AFAP1L1: variants seen among roughly 807,000 people sequenced by gnomAD.
AFAP1L1 encodes the protein actin filament-associated protein 1-like 1.
In AFAP1L1, 77 loss-of-function variants were observed where a neutral mutation model predicts 99.8. That is an observed-to-expected ratio of 0.77 (90% CI 0.64 to 0.93). The LOEUF is 0.93. Among genes scored for constraint, AFAP1L1 ranks in the 40% least tolerant of loss-of-function variants. The pLI is 0.00. For missense variants in AFAP1L1, 893 were observed against 996.8 expected, an observed-to-expected ratio of 0.90 and a Z score of 1.40; for synonymous variants, 373 against 395.3, an observed-to-expected ratio of 0.94 and a Z score of 0.67.
chr5:149,339,178 C>CTTTTTTT (rs35468603), intron 18 of AFAP1L1, among the ~76,000 whole-genome samples: 1 of 126,144 alleles, frequency 7.9e-6, no homozygotes, highest in Non-Finnish European at 1.7e-5. Context: ...CCCAATAAAG[C>CTTTTTTT]TTTTTTTTTT....
At chr5:149,275,027 AC>A (rs1258458684) in intron 1 of AFAP1L1, among the ~76,000 whole-genome samples, 4 of 152,180 alleles carry the variant, frequency 2.6e-5, no homozygotes, top group African/African-American at 9.7e-5. Context: ...GAGAGATGGG[AC>A]TGTCATGCCC....
Position 149,271,924 on chromosome 5 carries a change from G to T in AFAP1L1, c.-45G>T, listed in dbSNP as rs1488576754. 6.6e-6 allele frequency: 8 copies of T among 1,219,040 alleles called. No individual in the cohort carries two copies. In the East Asian group the frequency reaches 1.9e-4, roughly 30 times the overall value. The allele number at this position is 1,219,040 out of a possible 1,614,324, so 75.5% of individuals were successfully genotyped here. A position where few individuals can be genotyped will look rare whatever the true frequency, so the allele number is the denominator to read the frequency against. On this transcript the variant is annotated 5_prime_UTR_variant, in exon 1 of 19. Transcript: ENST00000296721. ...GCCGGCCGCTACCAGCCGCGCCGGA[G>T]CCCCTGCGCCCTGCGGCCCGCTCCC...
intron 10 of AFAP1L1, 109 bp from the exon 11 acceptor site, chr5:149,316,042 C>T (rs759753942): frequency 5.0e-5 from 79 of 1,579,234 alleles, no homozygotes; most frequent in Non-Finnish European, 6.9e-5. Context: ...GCCTGCCATC[C>T]CTGGAGCTGC....
chr5:149,302,477 G>T lies in AFAP1L1; in HGVS notation c.387G>T (p.Glu129Asp). 6.3e-7 allele frequency: 1 copy of T among 1,597,260 alleles called. No homozygotes were observed. The highest frequency in any genetic ancestry group is 2.3e-5 in the East Asian group (1 of 44,360). Residue 129 changes from glutamate (E) to aspartate (D), a missense_variant, in exon 5 of 19, where the codon GAG becomes GAT. Physicochemically the swap from Glu to Asp is conservative, Grantham distance 45 (BLOSUM62 2). Coordinates refer to ENST00000296721, the MANE Select transcript of AFAP1L1 (RefSeq NM_152406.4). ...NKPPPEDYYE[E>D]ALPLGPGKSP... is the part of the protein sequence containing the mutation. Reference sequence around the variant, plus strand: ...CTCCCCCTGAGGACTACTATGAAGAGGCCCTTCCTCTGGGACCCGGCAAGT... The same window carrying T: ...CTCCCCCTGAGGACTACTATGAAGATGCCCTTCCTCTGGGACCCGGCAAGT...
rs754197260 is a variant in AFAP1L1 at position 149,341,875 on chromosome 5, G to A, written c.*1845G>A. The A allele has an allele frequency of 6.6e-6, 1 of 151,988 alleles. No individual in the cohort carries two copies. Among genetic ancestry groups the A allele is most frequent in the Non-Finnish European group, 1.5e-5 (1 of 68,006 alleles). The allele number at this position is 151,988 out of a possible 1,614,324, so 9.4% of individuals were successfully genotyped here. A position where few individuals can be genotyped will look rare whatever the true frequency, so the allele number is the denominator to read the frequency against. Reference sequence around the variant, plus strand: ...ACTTTTCAGTGTTCTTTTTTAAAACGTGGATCCTGAAATGTCACCTAACTC... The same window carrying A: ...ACTTTTCAGTGTTCTTTTTTAAAACATGGATCCTGAAATGTCACCTAACTC... On this transcript the variant is annotated 3_prime_UTR_variant, in exon 19 of 19. Transcript: ENST00000296721.
chr5:149,296,984 G>T (rs1028837870), intron 1 of AFAP1L1, among the ~76,000 whole-genome samples: 1 of 152,092 alleles, frequency 6.6e-6, no homozygotes, highest in Non-Finnish European at 1.5e-5. Flanking sequence ...CAGCAGCACA[G>T]GGGTAACCAC....
At chr5:149,333,832 C>A (rs1300849888) in intron 17 of AFAP1L1, among the ~76,000 whole-genome samples, 1 of 152,190 alleles carries the variant, frequency 6.6e-6, no homozygotes, top group Non-Finnish European at 1.5e-5. Context: ...GAGCAAAAAA[C>A]TGACCCTGGT....
rs570213105 is a variant in AFAP1L1 at position 149,307,551 on chromosome 5, C to A, written c.685C>A (p.Arg229=). ...ATGCAGGATATGTGCCTTCCTGCTGCGGAAAAAGCGTTTCGGGCAGTGGGC... is the reference window on the plus strand; with the variant it reads ...ATGCAGGATATGTGCCTTCCTGCTGAGGAAAAAGCGTTTCGGGCAGTGGGC... ...RECRICAFLL[R]KKRFGQWAKQ... is the part of the protein sequence containing the mutation. The change falls in exon 7 of 19, where the codon CGG becomes AGG. Residue 229 remains arginine (R), a synonymous_variant. Transcript: ENST00000296721. The A allele has an allele frequency of 1.2e-6, 2 of 1,613,676 alleles. No individual in the cohort carries two copies. Among genetic ancestry groups the A allele is most frequent in the Admixed American group, 3.3e-5 (2 of 59,996 alleles).
At chr5:149,322,930 G>GA (rs1756996572) in intron 15 of AFAP1L1, among the ~76,000 whole-genome samples, 1 of 152,106 alleles carries the variant, frequency 6.6e-6, no homozygotes, top group East Asian at 1.9e-4. Flanking sequence ...GGGAGTTGGG[G>GA]GGTGGGGAGG....
intron 17 of AFAP1L1, among the ~76,000 whole-genome samples, chr5:149,335,111 C>A (rs1757366227): frequency 6.6e-6 from 1 of 152,194 alleles, no homozygotes; most frequent in Non-Finnish European, 1.5e-5. Flanking sequence ...TTTTAGTTGT[C>A]ATTATCGTTA....
In AFAP1L1 at chr5:149,307,811, C is replaced by CTCTCTCT. The variant is rs1756470206; in HGVS notation, c.747+198_747+199insTCTCTCT. Among the ~76,000 whole-genome samples, 7 of 21,134 alleles carry CTCTCTCT rather than the reference C, an allele frequency of 3.3e-4. No individual in the cohort carries two copies. In the Admixed American group the frequency reaches 3.6e-3, roughly 11 times the overall value. The allele number at this position is 21,134 out of a possible 152,430, so 13.9% of individuals were successfully genotyped here. ...TAAACACACACACACACACCCTGTGCCTCTCTTTCTCTCTCTCTCTCTCTC... is the reference window on the plus strand; with the variant it reads ...TAAACACACACACACACACCCTGTGCTCTCTCTCTCTCTTTCTCTCTCTCTCTCTCTC... On this transcript the variant is annotated intron_variant, in intron 7 of 18. Coordinates refer to ENST00000296721, the MANE Select transcript of AFAP1L1 (RefSeq NM_152406.4).
At chr5:149,289,953 G>A (rs1755800139) in intron 1 of AFAP1L1, among the ~76,000 whole-genome samples, 1 of 152,238 alleles carries the variant, frequency 6.6e-6, no homozygotes, top group East Asian at 1.9e-4. Context: ...TAATTTATGG[G>A]CCGGGTGCGG....
At position 149,316,150 on chromosome 5, in the gene AFAP1L1, G is replaced by C. The variant is rs772028532; in HGVS notation, c.1115-1G>C. On this transcript the variant is annotated splice_acceptor_variant, in intron 10 of 18. Transcript: ENST00000296721. LOFTEE classifies it high-confidence loss of function. ...ACTCCCCTGACCCATTTCCCCAACAGGCAAAGGGAAGAAGAGCAGCCTGGC... is the reference window on the plus strand; with the variant it reads ...ACTCCCCTGACCCATTTCCCCAACACGCAAAGGGAAGAAGAGCAGCCTGGC... 6.2e-7 allele frequency: 1 copy of C among 1,612,680 alleles called. No homozygotes were observed. Among genetic ancestry groups the C allele is most frequent in the Non-Finnish European group, 8.5e-7 (1 of 1,178,868 alleles).
In AFAP1L1 at chr5:149,342,598, A is replaced by G. The variant is rs1368071718; in HGVS notation, c.*2568A>G. Among the ~76,000 whole-genome samples, 1 of 152,222 alleles carries G rather than the reference A, an allele frequency of 6.6e-6. No homozygotes were observed. Among genetic ancestry groups the G allele is most frequent in the Non-Finnish European group, 1.5e-5 (1 of 68,036 alleles). ...GCAAAATGGCTAAGGCACAGATGCC[A>G]CTTGTTCTTGGTTGTTAAAATGCCT... is the stretch of plus-strand genomic sequence containing the variant. On this transcript the variant is annotated 3_prime_UTR_variant, in exon 19 of 19. Coordinates refer to ENST00000296721, the MANE Select transcript of AFAP1L1 (RefSeq NM_152406.4).
chr5:149,327,996 T>C (rs990121992), intron 15 of AFAP1L1, among the ~76,000 whole-genome samples: 9 of 152,220 alleles, frequency 5.9e-5, no homozygotes, highest in Admixed American at 3.3e-4. Flanking sequence ...AGAGACATCA[T>C]GGTAAAAATG....
chr5:149,333,909 A>G (rs201768307), intron 17 of AFAP1L1, among the ~76,000 whole-genome samples: 53 of 152,026 alleles, frequency 3.5e-4, no homozygotes, highest in African/African-American at 1.2e-3. Flanking sequence ...ATTTGTGTGT[A>G]TGTGTGTGTG....
Position 149,340,108 on chromosome 5 carries a change from C to T in AFAP1L1, c.*78C>T. On this transcript the variant is annotated 3_prime_UTR_variant, in exon 19 of 19. Coordinates refer to ENST00000296721, the MANE Select transcript of AFAP1L1 (RefSeq NM_152406.4). ...AAGAAATGCTTTTTTCACAAGGAGA[C>T]ACCAAGAGAAGACTAGGAAGTAGCC... is the stretch of plus-strand genomic sequence containing the variant. 1.3e-6 allele frequency: 2 copies of T among 1,562,452 alleles called. No individual in the cohort carries two copies.
rs1757560303 is a variant in AFAP1L1, at chr5:149,341,524, G to A, written c.*1494G>A. 1 of 152,142 alleles carries A rather than the reference G, an allele frequency of 6.6e-6. No individual in the cohort carries two copies. Among genetic ancestry groups the A allele is most frequent in the South Asian group, 2.1e-4 (1 of 4,826 alleles). The allele number at this position is 152,142 out of a possible 1,614,324, so 9.4% of individuals were successfully genotyped here. On this transcript the variant is annotated 3_prime_UTR_variant, in exon 19 of 19. Coordinates refer to ENST00000296721, the MANE Select transcript of AFAP1L1 (RefSeq NM_152406.4). ...TTGTTACTTTTCTCCCAAGATTGTT[G>A]GGAAGATTTAATAAGATAATATATA...
Position 149,315,892 on chromosome 5 carries a change from C to T in AFAP1L1, c.1092C>T (p.Gly364=), listed in dbSNP as rs574226822. 1.9e-6 allele frequency: 3 copies of T among 1,614,150 alleles called. No homozygotes were observed. The African/African-American group carries it at 4.0e-5, about 22-fold the overall frequency. The part of the protein sequence containing the change: ...VGVGDNCSTL[G]RRETCDHGKG... ...TGGGTGACAACTGTTCTACCCTTGG[C>T]CGCCGGGAGACCTGTGATCACGGTA... Residue 364 remains glycine (G), a synonymous_variant, in exon 10 of 19, where the codon GGC becomes GGT. Coordinates refer to ENST00000296721, the MANE Select transcript of AFAP1L1 (RefSeq NM_152406.4).
Sources: gnomAD v4.1 joint callset for allele counts (sites outside exome capture counted in the v4.1 genomes callset) on GRCh38, gnomAD v4.1.1 for gene constraint, MANE v1.5 for transcripts, NCBI Gene and HGNC (gene_info 2026-07-23, HGNC 2026-07-21) for gene names.